The following CORO7 variants were observed in gnomAD, a reference collection of about 807,000 sequenced individuals.
CORO7 encodes the protein coronin-7.
A neutral mutation model predicts 126.6 loss-of-function variants in CORO7; 107 were observed. The observed-to-expected ratio is 0.85, with a 90% CI of 0.72 to 0.99. The LOEUF (loss-of-function observed/expected upper bound fraction) is 0.99. Ranked by LOEUF, CORO7 falls within the 50% of genes least tolerant of loss-of-function variation. The probability of loss-of-function intolerance (pLI) is 0.00; values close to 1 mark genes in which losing one functional copy is unlikely to be tolerated. For synonymous variants in CORO7, 603 were observed against 536.8 expected (o/e 1.12, Z -1.70); for missense variants, 1,314 against 1,255.8 (o/e 1.05, Z -0.70).
chr16:4,409,100 G>A (rs1004522646), intron 3 of CORO7, among the ~76,000 whole-genome samples: 1 of 152,196 alleles, frequency 6.6e-6, no homozygotes, highest in Non-Finnish European at 1.5e-5. Flanking sequence ...GGAGGGTGGC[G>A]GGGTTTCGGG....
At chr16:4,402,914 G>C (rs1023269113) in intron 6 of CORO7, among the ~76,000 whole-genome samples, 1 of 152,162 alleles carries the variant, frequency 6.6e-6, no homozygotes, top group African/African-American at 2.4e-5. Flanking sequence ...AGCTGAGAGG[G>C]AGCAGGAGGG....
At chr16:4,358,980 T>A in intron 23 of CORO7, 1 of 428,294 alleles carries the variant, frequency 2.3e-6, no homozygotes, top group Non-Finnish European at 4.2e-6. Flanking sequence ...TCTTGCTATG[T>A]TGCCCAGGCT....
At chr16:4,377,589 A>G (rs1480042247) in intron 9 of CORO7, among the ~76,000 whole-genome samples, 1 of 152,186 alleles carries the variant, frequency 6.6e-6, no homozygotes, top group Non-Finnish European at 1.5e-5. Context: ...CAGTTGAGAA[A>G]GGAACTCTGG....
Position 4,361,420 on chromosome 16 carries a change from T to C in CORO7, c.1628A>G (p.Asn543Ser). ...LPDTALPTLQ[N>S]GAAVTDLAWD... is the part of the protein sequence containing the mutation. Reference sequence around the variant, plus strand: ...GGCCAGATCAGTCACAGCTGCCCCATTCTGCAGCGTGGGCAGTGCCGTGTC... The same window carrying C: ...GGCCAGATCAGTCACAGCTGCCCCACTCTGCAGCGTGGGCAGTGCCGTGTC... The change falls in exon 17 of 28, where the codon AAT (asparagine) becomes AGT (serine). Residue 543 changes from asparagine to serine, a missense_variant. Asn to Ser is a conservative substitution (Grantham distance 46). Transcript: ENST00000251166. The C allele has an allele frequency of 1.9e-6, 3 of 1,611,828 alleles. No individual in the cohort carries two copies. Among genetic ancestry groups the C allele is most frequent in the Non-Finnish European group, 2.5e-6 (3 of 1,179,684 alleles).
At chr16:4,382,298 C>T (rs1473841787) in intron 9 of CORO7, 12 of 1,610,222 alleles carry the variant, frequency 7.5e-6, no homozygotes, top group Non-Finnish European at 1.0e-5. Flanking sequence ...GTGAGCCCCA[C>T]CTCCCTGCGC....
intron 6 of CORO7, 61 bp from the exon 7 acceptor site, chr16:4,395,400 G>A: frequency 1.2e-6 from 2 of 1,608,416 alleles, no homozygotes; most frequent in East Asian, 4.5e-5. Context: ...CTGGAAGCCA[G>A]CCTGCTCCCC....
chr16:4,380,816 C>T, intron 9 of CORO7: 1 of 1,424,220 alleles, frequency 7.0e-7, no homozygotes, highest in Non-Finnish European at 9.2e-7. Context: ...GCGTGTCTGC[C>T]TTCTAGGCCC....
intron 9 of CORO7, among the ~76,000 whole-genome samples, chr16:4,370,142 G>A (rs559310253): frequency 1.3e-5 from 2 of 152,316 alleles, no homozygotes; most frequent in South Asian, 4.1e-4. Flanking sequence ...CCAGGCTGGA[G>A]GCTCTTGGAG....
At position 4,354,930 on chromosome 16, in the gene CORO7, G is replaced by C; in HGVS notation, c.*228C>G. Reference sequence around the variant, plus strand: ...CGCCACCCTGCACCCCTGGCCACATGCTAGCGGGCAGCTGATGAGCAGCAG... The same window carrying C: ...CGCCACCCTGCACCCCTGGCCACATCCTAGCGGGCAGCTGATGAGCAGCAG... On this transcript the variant is annotated 3_prime_UTR_variant, in exon 28 of 28. Transcript: ENST00000251166. 2.1e-6 allele frequency: 1 copy of C among 478,848 alleles called. No homozygotes were observed. The highest frequency in any genetic ancestry group is 3.1e-5 in the East Asian group (1 of 32,018). 29.7% of individuals were successfully genotyped at this position (478,848 alleles called of 1,614,324 possible).
At chr16:4,359,071 T>C (rs2054073830) in intron 23 of CORO7, 2 of 593,238 alleles carry the variant, frequency 3.4e-6, no homozygotes, top group Admixed American at 3.5e-5. Flanking sequence ...GTACCCGGCC[T>C]ACAGTATGAT....
chr16:4,396,476 C>T (rs1002618109), intron 6 of CORO7, among the ~76,000 whole-genome samples: 2 of 152,176 alleles, frequency 1.3e-5, no homozygotes, highest in South Asian at 2.1e-4. Flanking sequence ...TGTGTGACCA[C>T]GATCCTGTTT....
At chr16:4,406,676 G>A (rs2141317805) in intron 5 of CORO7, among the ~76,000 whole-genome samples, 1 of 151,868 alleles carries the variant, frequency 6.6e-6, no homozygotes, top group African/African-American at 2.4e-5. Flanking sequence ...CCCCAGGGTG[G>A]AGTGCAATGG....
At chr16:4,388,862 A>G (rs1201769329) in intron 7 of CORO7, among the ~76,000 whole-genome samples, 1 of 152,152 alleles carries the variant, frequency 6.6e-6, no homozygotes, top group African/African-American at 2.4e-5. Context: ...CTGCACCCAG[A>G]GGCCAACCTG....
chr16:4,376,147 C>CT (rs1471149764), intron 9 of CORO7, among the ~76,000 whole-genome samples: 1 of 152,200 alleles, frequency 6.6e-6, no homozygotes, highest in African/African-American at 2.4e-5. Flanking sequence ...CCAGCCCTCT[C>CT]TGCCCCTTCT....
chr16:4,378,520 C>T (rs952122045), intron 9 of CORO7, among the ~76,000 whole-genome samples: 9 of 152,138 alleles, frequency 5.9e-5, no homozygotes, highest in African/African-American at 1.4e-4. Flanking sequence ...GAGGCCAGGC[C>T]GCACCCGCCG....
chr16:4,365,948 C>T (rs1338791245), intron 9 of CORO7, among the ~76,000 whole-genome samples: 3 of 152,318 alleles, frequency 2.0e-5, no homozygotes, highest in Admixed American at 1.3e-4. Context: ...AGGAGCCTCC[C>T]GTCCCCACTC....
chr16:4,386,827 C>G (rs749634323), intron 9 of CORO7, among the ~76,000 whole-genome samples: 2 of 152,194 alleles, frequency 1.3e-5, no homozygotes, highest in Non-Finnish European at 2.9e-5. Flanking sequence ...CTCCTCTGGG[C>G]GGCTCTCAGC....
chr16:4,405,946 A>G (rs2055982700), intron 5 of CORO7, among the ~76,000 whole-genome samples: 1 of 152,138 alleles, frequency 6.6e-6, no homozygotes, highest in African/African-American at 2.4e-5. Flanking sequence ...ACTTCTCTAC[A>G]TTCTCTGCAA....
rs1314715044 is a variant in CORO7, at chr16:4,357,275, G to C, written c.2594-16C>G. 1.2e-6 allele frequency: 2 copies of C among 1,607,882 alleles called. No individual in the cohort carries two copies. The highest frequency in any genetic ancestry group is 4.5e-5 in the East Asian group (2 of 44,796). On this transcript the variant is annotated splice_polypyrimidine_tract_variant and intron_variant, in intron 25 of 27. Transcript: ENST00000251166. ...GCTTGGCTCACTGGGACAGAGCAAGGACACGTGTCAGAGAGTCCCCTTCGT... is the reference window on the plus strand; with the variant it reads ...GCTTGGCTCACTGGGACAGAGCAAGCACACGTGTCAGAGAGTCCCCTTCGT...
Sources: gnomAD v4.1 joint callset for allele counts (sites outside exome capture counted in the v4.1 genomes callset) on GRCh38, gnomAD v4.1.1 for gene constraint, MANE v1.5 for transcripts, NCBI Gene and HGNC (gene_info 2026-07-23, HGNC 2026-07-21) for gene names.